The following DMD variants were observed in gnomAD, a reference collection of about 807,000 sequenced individuals.
The protein encoded by DMD is mutant dystrophin.
A neutral mutation model predicts 330.1 loss-of-function variants in DMD; 63 were observed. That is an observed-to-expected ratio of 0.19 (90% confidence interval 0.16 to 0.24). The LOEUF (loss-of-function observed/expected upper bound fraction) is 0.24, where lower values mean the gene tolerates loss of function less well. Among genes scored for constraint, DMD ranks in the 10% least tolerant of loss-of-function variants. The probability of loss-of-function intolerance (pLI) is 1.00; values close to 1 mark genes in which losing one functional copy is unlikely to be tolerated. For synonymous variants in DMD, 1,223 were observed against 959.8 expected, an observed-to-expected ratio of 1.27 and a Z score of -5.07; for missense variants, 3,344 against 2,684.1, an observed-to-expected ratio of 1.25 and a Z score of -5.43.
chrX:32,095,251 G>A (rs138782386), intron 44 of DMD, among the ~76,000 whole-genome samples: 3,476 of 111,572 alleles, frequency 0.031, 36 homozygotes, highest in Middle Eastern at 0.05. Flanking sequence ...TAGTTAAAAT[G>A]TACCTTTTCA....
chrX:31,267,238 G>T (rs1368230445), intron 62 of DMD, among the ~76,000 whole-genome samples: 1 of 112,216 alleles, frequency 8.9e-6, no homozygotes, highest in Non-Finnish European at 1.9e-5. Flanking sequence ...CTAAATAAAT[G>T]ACCCAGGTGC....
intron 55 of DMD, among the ~76,000 whole-genome samples, chrX:31,554,581 C>T (rs1394714744): frequency 1.8e-5 from 2 of 111,796 alleles, no homozygotes; most frequent in Non-Finnish European, 3.8e-5. Context: ...TTTCCCCACA[C>T]AAGGTCATAC....
chrX:31,331,475 T>C lies in DMD; in HGVS notation c.9164-7817A>G, dbSNP rs751961364. ...AAAAAAGCTGCTTCTAACCGACTTA[T>C]AGAAAACTTCAAAAACATCACGGTG... On this transcript the variant is annotated intron_variant, in intron 61 of 78. Coordinates refer to ENST00000357033, the MANE Select transcript of DMD (RefSeq NM_004006.3). 8.9e-4 allele frequency among the ~76,000 whole-genome samples: 98 copies of C among 110,143 alleles called. 1 individual carries two copies. Among genetic ancestry groups the C allele is most frequent in the Non-Finnish European group, 7.6e-4 (40 of 52,729 alleles).
intron 60 of DMD, among the ~76,000 whole-genome samples, chrX:31,407,144 T>C (rs1462538990): frequency 3.6e-5 from 4 of 112,295 alleles, no homozygotes; most frequent in Admixed American, 9.4e-5. Context: ...TGTGATACTT[T>C]ATCTTATTTT....
chrX:32,453,760 T>C (rs181981042), intron 26 of DMD, among the ~76,000 whole-genome samples: 1 of 111,118 alleles, frequency 9.0e-6, no homozygotes, highest in Non-Finnish European at 1.9e-5. Flanking sequence ...ACAGTTGGCA[T>C]GGGGCCGAAC....
chrX:32,340,439 G>T (rs958738107), intron 41 of DMD, among the ~76,000 whole-genome samples: 1 of 111,163 alleles, frequency 9.0e-6, no homozygotes, highest in Non-Finnish European at 1.9e-5. Flanking sequence ...TCATTATTAC[G>T]TTGTACAAAT....
intron 55 of DMD, among the ~76,000 whole-genome samples, chrX:31,522,363 C>CTCTCTCTCTCTCTCTCTCTA: frequency 2.8e-5 from 1 of 35,978 alleles, no homozygotes; most frequent in Non-Finnish European, 4.2e-5. Flanking sequence ...CTCTCTCTCT[C>CTCTCTCTCTCTCTCTCTCTA]TATATATATA....
chrX:33,208,502 C>T (rs1415602073), intron 1 of DMD, among the ~76,000 whole-genome samples: 1 of 110,796 alleles, frequency 9.0e-6, no homozygotes, highest in East Asian at 2.8e-4. Context: ...ATCCTTTCTT[C>T]CTGGTTCGTT....
chrX:33,294,339 A>T (rs1325583544), intron 1 of DMD, among the ~76,000 whole-genome samples: 4 of 111,156 alleles, frequency 3.6e-5, no homozygotes, highest in African/African-American at 1.3e-4. Flanking sequence ...ACTACACACT[A>T]CCATTTCAGA....
At chrX:31,786,666 G>A (rs982904430) in intron 50 of DMD, among the ~76,000 whole-genome samples, 1 of 111,563 alleles carries the variant, frequency 9.0e-6, no homozygotes, top group Non-Finnish European at 1.9e-5. Context: ...TTGTGGTGTG[G>A]TTGCATTGAC....
At chrX:33,131,788 G>C (rs2148541981) in intron 1 of DMD, among the ~76,000 whole-genome samples, 1 of 112,202 alleles carries the variant, frequency 8.9e-6, no homozygotes. Context: ...GAGTATCAGT[G>C]TACTCATTGT....
At chrX:32,815,577 T>A (rs897448328) in intron 6 of DMD, among the ~76,000 whole-genome samples, 12 of 104,190 alleles carry the variant, frequency 1.2e-4, no homozygotes, top group African/African-American at 4.3e-4. Context: ...GTAGTATATA[T>A]GGCATATAGT....
intron 55 of DMD, among the ~76,000 whole-genome samples, chrX:31,520,703 G>C (rs1423571030): frequency 9.1e-6 from 1 of 109,990 alleles, no homozygotes; most frequent in African/African-American, 3.3e-5. Flanking sequence ...TTTTTGAGAC[G>C]GAGTCTTGCT....
At chrX:32,099,584 C>T in intron 44 of DMD, among the ~76,000 whole-genome samples, 1 of 109,560 alleles carries the variant, frequency 9.1e-6, no homozygotes, top group African/African-American at 3.3e-5. Flanking sequence ...GAGTTCATGT[C>T]CTTTGTAGGG....
chrX:32,201,984 T>C (rs1343448653), intron 44 of DMD, among the ~76,000 whole-genome samples: 2 of 112,022 alleles, frequency 1.8e-5, no homozygotes, highest in Non-Finnish European at 3.8e-5. Context: ...TCACTATACG[T>C]ATATCCTTTT....
chrX:32,209,976 C>T (rs2097087346), intron 44 of DMD, among the ~76,000 whole-genome samples: 1 of 111,358 alleles, frequency 9.0e-6, no homozygotes, highest in African/African-American at 3.3e-5. Context: ...TACCACACTC[C>T]CAGTAAATTG....
chrX:32,145,247 G>A (rs1183749520), intron 44 of DMD, among the ~76,000 whole-genome samples: 1 of 112,202 alleles, frequency 8.9e-6, no homozygotes, highest in East Asian at 2.8e-4. Context: ...TTTTGTTACT[G>A]TGAATAATAA....
chrX:32,805,203 C>T lies in DMD; in HGVS notation c.649+4290G>A, dbSNP rs768804282. Among the ~76,000 whole-genome samples, 242 of 111,578 alleles carry T rather than the reference C, an allele frequency of 2.2e-3. 1 individual carries two copies. Among genetic ancestry groups the T allele is most frequent in the African/African-American group, 7.5e-3 (231 of 30,711 alleles). On this transcript the variant is annotated intron_variant, in intron 7 of 78. Transcript: ENST00000357033. ...CATGTTCTAACCCAATGGAAGGAAG[C>T]TAAGAACCTTGAAAAAAGGTTAGAG... is the stretch of plus-strand genomic sequence containing the variant.
chrX:31,512,902 T>C (rs1239418616), intron 55 of DMD, among the ~76,000 whole-genome samples: 4 of 108,676 alleles, frequency 3.7e-5, no homozygotes, highest in Non-Finnish European at 7.6e-5. Context: ...GGGGATGGCA[T>C]TGAATCTGTA....
Sources: allele counts gnomAD v4.1 joint callset (sites outside exome capture counted in the v4.1 genomes callset), GRCh38; gene constraint gnomAD v4.1.1; transcripts MANE v1.5; gene names NCBI Gene and HGNC (gene_info 2026-07-23, HGNC 2026-07-21).